GABRA4: variants seen among roughly 807,000 people sequenced by gnomAD.
The protein encoded by GABRA4 is gamma-aminobutyric acid receptor subunit alpha-4.
Under a neutral mutation model 49.7 loss-of-function variants are expected in GABRA4, and 12 were observed. The ratio of observed to expected loss-of-function variants is 0.24; its 90% CI spans 0.15 to 0.39. The LOEUF (loss-of-function observed/expected upper bound fraction) is 0.39. Among genes scored for constraint, GABRA4 ranks in the 10% least tolerant of loss-of-function variants. The pLI is 1.00. For missense variants in GABRA4, 506 were observed against 686.0 expected, an observed-to-expected ratio of 0.74 and a Z score of 2.93; for synonymous variants, 288 against 240.2, an observed-to-expected ratio of 1.20 and a Z score of -1.84.
intron 8 of GABRA4, among the ~76,000 whole-genome samples, chr4:46,932,114 G>A (rs1430329120): frequency 6.6e-6 from 1 of 152,086 alleles, no homozygotes; most frequent in Non-Finnish European, 1.5e-5. Context: ...GACATTCTGG[G>A]ATACTTAGAA....
intron 7 of GABRA4, among the ~76,000 whole-genome samples, chr4:46,967,981 T>G (rs1047320739): frequency 2.6e-5 from 4 of 151,644 alleles, no homozygotes; most frequent in Non-Finnish European, 5.9e-5. Flanking sequence ...GCTTTGGAGA[T>G]AGAAGGCCTT....
chr4:46,954,725 T>A (rs1722283529), intron 8 of GABRA4, among the ~76,000 whole-genome samples: 1 of 152,124 alleles, frequency 6.6e-6, no homozygotes, highest in Non-Finnish European at 1.5e-5. Flanking sequence ...GGTTGTGTGA[T>A]TAAAGCTACA....
intron 8 of GABRA4, among the ~76,000 whole-genome samples, chr4:46,931,664 T>C (rs1481002972): frequency 6.6e-6 from 1 of 152,146 alleles, no homozygotes; most frequent in African/African-American, 2.4e-5. Context: ...CAATAGTATG[T>C]GGCGGAAATG....
At chr4:46,936,169 T>A (rs1721595641) in intron 8 of GABRA4, among the ~76,000 whole-genome samples, 1 of 152,192 alleles carries the variant, frequency 6.6e-6, no homozygotes, top group African/African-American at 2.4e-5. Flanking sequence ...CAGCCACAAG[T>A]GTTTCAATGT....
chr4:46,933,414 T>A (rs1259740111), intron 8 of GABRA4, among the ~76,000 whole-genome samples: 1 of 152,134 alleles, frequency 6.6e-6, no homozygotes, highest in Non-Finnish European at 1.5e-5. Context: ...CTTGACTCAA[T>A]CCCAAGTCTG....
intron 7 of GABRA4, among the ~76,000 whole-genome samples, chr4:46,969,136 G>A (rs1261370706): frequency 1.3e-5 from 2 of 151,550 alleles, no homozygotes; most frequent in Non-Finnish European, 1.5e-5. Context: ...ATAAGTGATA[G>A]TCCCTTGGTT....
chr4:46,992,092 T>C (rs1723768418), intron 2 of GABRA4, among the ~76,000 whole-genome samples: 1 of 152,218 alleles, frequency 6.6e-6, no homozygotes, highest in East Asian at 1.9e-4. Flanking sequence ...GTGGACCTAG[T>C]ACCTAGCGCA....
In GABRA4 at chr4:46,919,337, C is replaced by G. The variant is rs1194943936; in HGVS notation, c.*8888G>C. The G allele has an allele frequency of 1.3e-5, 2 of 151,394 alleles. No individual in the cohort carries two copies. The highest frequency in any genetic ancestry group is 4.8e-5 in the African/African-American group (2 of 41,386). 9.4% of individuals were successfully genotyped at this position (151,394 alleles called of 1,614,324 possible). A position where few individuals can be genotyped will look rare whatever the true frequency, so the allele number is the denominator to read the frequency against. ...AATAATAATGACTATGTGCTCCTCA[C>G]TATAATATACCATGATAATATTCCT... On this transcript the variant is annotated 3_prime_UTR_variant, in exon 9 of 9. Transcript: ENST00000264318.
intron 8 of GABRA4, among the ~76,000 whole-genome samples, chr4:46,958,396 G>A (rs535554435): frequency 1.3e-5 from 2 of 151,882 alleles, no homozygotes; most frequent in East Asian, 3.9e-4. Flanking sequence ...GGCTGGATAA[G>A]AACTAAAGAA....
At chr4:46,950,399 A>G (rs1722129065) in intron 8 of GABRA4, among the ~76,000 whole-genome samples, 1 of 152,108 alleles carries the variant, frequency 6.6e-6, no homozygotes, top group Non-Finnish European at 1.5e-5. Context: ...AATGCAAATC[A>G]CTATCATCAT....
At position 46,927,038 on chromosome 4, in the gene GABRA4, A is replaced by G. The variant is rs956354790; in HGVS notation, c.*1187T>C. On this transcript the variant is annotated 3_prime_UTR_variant, in exon 9 of 9. Transcript: ENST00000264318. The stretch of plus-strand genomic sequence containing the variant: ...ATTTCACTAGCTAATATCTAGATCT[A>G]TCTTGGGGAAAGCACCTGAAAAAGC... The G allele has an allele frequency of 6.6e-6, 1 of 151,950 alleles. No homozygotes were observed. The highest frequency in any genetic ancestry group is 1.5e-5 in the Non-Finnish European group (1 of 67,904). The allele number at this position is 151,950 out of a possible 1,614,324, so 9.4% of individuals were successfully genotyped here.
Position 46,926,582 on chromosome 4 carries a change from A to G in GABRA4, c.*1643T>C, listed in dbSNP as rs1365645115. The G allele has an allele frequency of 1.3e-5, 2 of 151,968 alleles. No homozygotes were observed. Among genetic ancestry groups the G allele is most frequent in the East Asian group, 3.9e-4 (2 of 5,186 alleles). The allele number at this position is 151,968 out of a possible 1,614,324, so 9.4% of individuals were successfully genotyped here. On this transcript the variant is annotated 3_prime_UTR_variant, in exon 9 of 9. Coordinates refer to ENST00000264318, the MANE Select transcript of GABRA4 (RefSeq NM_000809.4). ...CTACTATCACTTCTTTTCTATAAAA[A>G]CAAAAAGAGAGAGAGAGATTTTGTC...
chr4:46,991,770 T>G (rs1577802037), intron 2 of GABRA4, among the ~76,000 whole-genome samples: 1 of 152,022 alleles, frequency 6.6e-6, no homozygotes, highest in East Asian at 1.9e-4. Flanking sequence ...TTTCAAAGCT[T>G]TGTTGTGAGG....
At chr4:46,978,048 A>T (rs1034925191) in intron 3 of GABRA4, among the ~76,000 whole-genome samples, 1 of 152,082 alleles carries the variant, frequency 6.6e-6, no homozygotes. Context: ...TGTGTAAGAG[A>T]TATTTTATTT....
Position 46,928,147 on chromosome 4 carries a change from A to G in GABRA4, c.*78T>C. The G allele has an allele frequency of 8.4e-7, 1 of 1,196,840 alleles. No homozygotes were observed. The highest frequency in any genetic ancestry group is 1.1e-6 in the Non-Finnish European group (1 of 877,060). The allele number at this position is 1,196,840 out of a possible 1,614,324, so 74.1% of individuals were successfully genotyped here. A position where few individuals can be genotyped will look rare whatever the true frequency, so the allele number is the denominator to read the frequency against. ...CAGAGTTTTTATTTTAGTAAAGAAT[A>G]TTTGTTTATATTTAAAAACATTTAA... On this transcript the variant is annotated 3_prime_UTR_variant, in exon 9 of 9. Transcript: ENST00000264318.
chr4:46,952,975 G>C (rs1010477500), intron 8 of GABRA4, among the ~76,000 whole-genome samples: 1 of 152,066 alleles, frequency 6.6e-6, no homozygotes, highest in Admixed American at 6.6e-5. Flanking sequence ...TATGAGGAAT[G>C]AAATCAATCA....
chr4:46,976,286 T>G (rs1313752736), intron 5 of GABRA4, among the ~76,000 whole-genome samples: 1 of 146,826 alleles, frequency 6.8e-6, no homozygotes, highest in Non-Finnish European at 1.5e-5. Flanking sequence ...CCATCTTTGC[T>G]TGTACTAAAA....
chr4:46,979,764 T>C (rs549635852), intron 2 of GABRA4, among the ~76,000 whole-genome samples: 1 of 152,158 alleles, frequency 6.6e-6, no homozygotes, highest in South Asian at 2.1e-4. Flanking sequence ...ATTGCTGAAA[T>C]AAGATGCTCA....
Position 46,965,602 on chromosome 4 carries a change from C to A in GABRA4, c.875-373G>T, listed in dbSNP as rs547595646. ...CTGGAAACTGAGCCAACACACCCAA[C>A]GGACTCAACAGACACACACCTCTCA... is the stretch of plus-strand genomic sequence containing the variant. On this transcript the variant is annotated intron_variant, in intron 7 of 8. Transcript: ENST00000264318. Among the ~76,000 whole-genome samples, 6 of 151,836 alleles carry A rather than the reference C, an allele frequency of 4.0e-5. No individual in the cohort carries two copies. The South Asian group carries it at 1.2e-3, about 31-fold the overall frequency.
Sources: gnomAD v4.1 joint callset for allele counts (sites outside exome capture counted in the v4.1 genomes callset) on GRCh38, gnomAD v4.1.1 for gene constraint, MANE v1.5 for transcripts, NCBI Gene and HGNC (gene_info 2026-07-23, HGNC 2026-07-21) for gene names.